The following SMIM45 variants were observed in gnomAD, a reference collection of about 807,000 sequenced individuals.
The protein encoded by SMIM45 is small integral membrane protein 45.
chr22:41,947,036 T>C, the SMIM45 span: 8 of 1,612,794 alleles, frequency 5.0e-6, no homozygotes, highest in Admixed American at 1.7e-5. Context: ...GGTGGCCGTG[T>C]TCAGGCCGGG....
chr22:41,953,262 A>T, the SMIM45 span, among the ~76,000 whole-genome samples: 1 of 151,924 alleles, frequency 6.6e-6, no homozygotes, highest in African/African-American at 2.4e-5. Flanking sequence ...CCCACCTGGG[A>T]GTAGAGAGAC....
the SMIM45 span, among the ~76,000 whole-genome samples, chr22:41,953,618 C>T: frequency 1.3e-5 from 2 of 152,030 alleles, no homozygotes; most frequent in African/African-American, 2.4e-5. Context: ...CTCTACCTGC[C>T]GGGCAGGCAG....
chr22:41,947,105 G>C, the SMIM45 span: 1 of 1,610,310 alleles, frequency 6.2e-7, no homozygotes, highest in Non-Finnish European at 8.5e-7. Flanking sequence ...CGTTGCTCCT[G>C]CGGTGCGCGC....
chr22:41,958,091 C>T, the SMIM45 span: 1 of 329,520 alleles, frequency 3.0e-6, no homozygotes, highest in Non-Finnish European at 6.1e-6. Flanking sequence ...GCCTGGCTGG[C>T]CCAGGGCTTG....
At chr22:41,948,683 C>T in the SMIM45 span, among the ~76,000 whole-genome samples, 3 of 152,088 alleles carry the variant, frequency 2.0e-5, no homozygotes, top group South Asian at 2.1e-4. Context: ...TTTGGGAGAC[C>T]GAGGCGGGTG....
the SMIM45 span, chr22:41,958,360 T>A: frequency 2.2e-6 from 1 of 456,508 alleles, no homozygotes; most frequent in African/African-American, 2.0e-5. Flanking sequence ...AGAACCTCGT[T>A]TGGAGGGATG....
chr22:41,955,345 A>G, the SMIM45 span, among the ~76,000 whole-genome samples: 1 of 151,940 alleles, frequency 6.6e-6, no homozygotes, highest in African/African-American at 2.4e-5. Context: ...ACACCTGGCT[A>G]ATTTTGTACT....
At chr22:41,957,151 G>C in the SMIM45 span, among the ~76,000 whole-genome samples, 3 of 149,782 alleles carry the variant, frequency 2.0e-5, no homozygotes, top group Non-Finnish European at 3.0e-5. Context: ...GCTTGCCCAC[G>C]AGGCCTGGGC....
the SMIM45 span, chr22:41,947,192 G>GCGGGA: frequency 1.1e-5 from 10 of 949,846 alleles, no homozygotes; most frequent in Admixed American, 2.1e-5. Flanking sequence ...GCGGGGCTTC[G>GCGGGA]CGGGACGGGA....
the SMIM45 span, chr22:41,958,610 C>T: frequency 2.9e-6 from 1 of 350,802 alleles, no homozygotes. Context: ...GGGGTGAACT[C>T]CGTGGGCTGT....
the SMIM45 span, among the ~76,000 whole-genome samples, chr22:41,954,493 A>C: frequency 2.0e-5 from 3 of 152,300 alleles, no homozygotes; most frequent in East Asian, 5.8e-4. Flanking sequence ...GGCGTGACCC[A>C]CCACAGCCAG....
At chr22:41,947,512 C>T in the SMIM45 span, among the ~76,000 whole-genome samples, 1 of 151,658 alleles carries the variant, frequency 6.6e-6, no homozygotes, top group Non-Finnish European at 1.5e-5. Context: ...GGACTACGGG[C>T]GCGCGTCACC....
chr22:41,948,468 A>G, the SMIM45 span, among the ~76,000 whole-genome samples: 5 of 152,262 alleles, frequency 3.3e-5, no homozygotes, highest in African/African-American at 1.2e-4. Context: ...AATCCTTCTT[A>G]CTGCAGACTA....
chr22:41,954,553 G>T, the SMIM45 span, among the ~76,000 whole-genome samples: 4 of 152,212 alleles, frequency 2.6e-5, no homozygotes, highest in African/African-American at 9.6e-5. Flanking sequence ...AAGTGAACAA[G>T]AATGCATATG....
At chr22:41,948,684 G>A in the SMIM45 span, among the ~76,000 whole-genome samples, 16 of 152,258 alleles carry the variant, frequency 1.1e-4, no homozygotes, top group African/African-American at 3.9e-4. Flanking sequence ...TTGGGAGACC[G>A]AGGCGGGTGA....
the SMIM45 span, among the ~76,000 whole-genome samples, chr22:41,954,299 C>T: frequency 5.3e-5 from 8 of 150,376 alleles, no homozygotes; most frequent in African/African-American, 1.7e-4. Context: ...CTCCGCCTCC[C>T]AGGCTCAAGC....
At chr22:41,947,075 A>C in the SMIM45 span, 1 of 1,612,812 alleles carries the variant, frequency 6.2e-7, no homozygotes, top group South Asian at 1.1e-5. Flanking sequence ...CAACACCGAC[A>C]TCACAGCCGC....
chr22:41,953,345 C>T, the SMIM45 span, among the ~76,000 whole-genome samples: 4 of 151,952 alleles, frequency 2.6e-5, no homozygotes, highest in African/African-American at 4.8e-5. Flanking sequence ...GAGTTCTTTC[C>T]ATCCATCCCC....
chr22:41,950,778 G>C, the SMIM45 span, among the ~76,000 whole-genome samples: 11 of 152,190 alleles, frequency 7.2e-5, no homozygotes, highest in African/African-American at 2.7e-4. Flanking sequence ...GGCAGATCAT[G>C]AGGTCAGTAG....
Sources: gnomAD v4.1 joint callset for allele counts (sites outside exome capture counted in the v4.1 genomes callset) on GRCh38, gnomAD v4.1.1 for gene constraint, MANE v1.5 for transcripts, NCBI Gene and HGNC (gene_info 2026-07-23, HGNC 2026-07-21) for gene names.